The following ZNF365 variants were observed in gnomAD, a reference collection of about 807,000 sequenced individuals.
ZNF365 encodes protein ZNF365.
Under a neutral mutation model 35.0 loss-of-function variants are expected in ZNF365, and 22 were observed. The observed-to-expected ratio is 0.63, with a 90% CI of 0.45 to 0.90. The LOEUF (loss-of-function observed/expected upper bound fraction) is 0.90, where lower values mean the gene tolerates loss of function less well. Ranked by LOEUF, ZNF365 falls within the 40% of genes least tolerant of loss-of-function variation. ZNF365 has a pLI of 0.00. For synonymous variants in ZNF365, 188 were observed against 196.2 expected, an observed-to-expected ratio of 0.96 and a Z score of 0.35; for missense variants, 448 against 500.3, an observed-to-expected ratio of 0.90 and a Z score of 1.00.
intron 4 of ZNF365, among the ~76,000 whole-genome samples, chr10:62,476,100 GA>G (rs368423948): frequency 4.0e-5 from 6 of 151,728 alleles, no homozygotes; most frequent in African/African-American, 1.5e-4. Flanking sequence ...TTTTTGTGGG[GA>G]GGGGTAGGGT....
chr10:62,415,430 A>T (rs1023454663), intron 3 of ZNF365, among the ~76,000 whole-genome samples: 1 of 152,004 alleles, frequency 6.6e-6, no homozygotes, highest in African/African-American at 2.4e-5. Flanking sequence ...TGGTCCTGTT[A>T]TTACGATATT....
chr10:62,400,373 A>G lies in ZNF365; in HGVS notation c.*584A>G. ...CAAGGGACTCGTTCAGTCAGACTTC[A>G]GTTCTCATTCCGACAGGGTGTCTTT... On this transcript the variant is annotated 3_prime_UTR_variant, in exon 5 of 5. Transcript: ENST00000395254. 1 of 986,286 alleles carries G rather than the reference A, an allele frequency of 1.0e-6. No homozygotes were observed. The highest frequency in any genetic ancestry group is 1.2e-6 in the Non-Finnish European group (1 of 830,158). 61.1% of individuals were successfully genotyped at this position (986,286 alleles called of 1,614,324 possible). A position where few individuals can be genotyped will look rare whatever the true frequency, so the allele number is the denominator to read the frequency against.
chr10:62,389,606 A>G (rs1379095560), intron 3 of ZNF365, among the ~76,000 whole-genome samples: 1 of 152,228 alleles, frequency 6.6e-6, no homozygotes, highest in Non-Finnish European at 1.5e-5. Flanking sequence ...ACATGATTAA[A>G]TAAGAAAACT....
rs745572760 is a variant in ZNF365 at position 62,376,943 on chromosome 10, G to A, written c.743+7G>A. The A allele has an allele frequency of 1.3e-5, 21 of 1,591,458 alleles. No homozygotes were observed. The highest frequency in any genetic ancestry group is 3.3e-5 in the South Asian group (3 of 90,100). On this transcript the variant is annotated splice_region_variant and intron_variant, in intron 2 of 4. Coordinates refer to ENST00000395254, the MANE Select transcript of ZNF365 (RefSeq NM_014951.3). ...AGCTTCTTAGGAAAGAAGAGTAAGT[G>A]TTGCTGACAGGGGATGCTAACCCCA...
intron 3 of ZNF365, among the ~76,000 whole-genome samples, chr10:62,447,251 A>T (rs527278224): frequency 2.6e-5 from 4 of 152,330 alleles, no homozygotes; most frequent in African/African-American, 9.6e-5. Flanking sequence ...GGAGGAAAAG[A>T]TTAACCTCCC....
At position 62,451,411 on chromosome 10, in the gene ZNF365, G is replaced by A. The variant is rs989311374; in HGVS notation, c.925-8330G>A. On this transcript the variant is annotated intron_variant, in intron 3 of 4. Coordinates refer to the ZNF365 transcript ENST00000395255. ...CTTCATGGCTTGGCAGCGACAAAAA[G>A]CTTGGCTCTCACTCTTCCCTGGTGT... Among the ~76,000 whole-genome samples the A allele has an allele frequency of 3.2e-3, 493 of 152,130 alleles. 6 individuals carry two copies. The highest frequency in any genetic ancestry group is 0.011 in the African/African-American group (476 of 41,500).
chr10:62,478,888 T>C (rs1352041959), intron 4 of ZNF365, among the ~76,000 whole-genome samples: 1 of 152,252 alleles, frequency 6.6e-6, no homozygotes, highest in Non-Finnish European at 1.5e-5. Context: ...GTGTCGTTTT[T>C]TAAGTCTTAA....
At chr10:62,421,856 T>C (rs1268247586) in intron 3 of ZNF365, among the ~76,000 whole-genome samples, 3 of 152,232 alleles carry the variant, frequency 2.0e-5, no homozygotes, top group African/African-American at 7.2e-5. Context: ...TTATTACAAC[T>C]ATAGTTGTTA....
chr10:62,467,256 C>A (rs753657764), intron 4 of ZNF365, among the ~76,000 whole-genome samples: 16 of 152,184 alleles, frequency 1.1e-4, no homozygotes, highest in African/African-American at 3.9e-4. Context: ...TAGTTCACTG[C>A]ATGATTCAAT....
rs116943538 is a variant in ZNF365, at chr10:62,412,837, C to A, written c.924+24261C>A. On this transcript the variant is annotated intron_variant, in intron 3 of 4. Transcript: ENST00000395255. The stretch of plus-strand genomic sequence containing the variant: ...GAAGAATCAATATCATGAAAATGGT[C>A]ATACTACCAAAAGTAATTTATAGAT... Among the ~76,000 whole-genome samples, 3 of 152,274 alleles carry A rather than the reference C, an allele frequency of 2.0e-5. No individual in the cohort carries two copies. The East Asian group carries it at 5.8e-4, about 29-fold the overall frequency.
At chr10:62,422,780 A>G (rs1480288130) in intron 3 of ZNF365, among the ~76,000 whole-genome samples, 1 of 152,106 alleles carries the variant, frequency 6.6e-6, no homozygotes. Flanking sequence ...CAAACCTTAC[A>G]ATTGGGTGTT....
At chr10:62,434,347 G>A (rs745546838) in intron 3 of ZNF365, among the ~76,000 whole-genome samples, 1 of 152,068 alleles carries the variant, frequency 6.6e-6, no homozygotes, top group Non-Finnish European at 1.5e-5. Context: ...GATGGGTGGA[G>A]AGGTTTTGGT....
At chr10:62,468,081 T>C (rs890185801) in intron 4 of ZNF365, among the ~76,000 whole-genome samples, 5 of 152,328 alleles carry the variant, frequency 3.3e-5, no homozygotes, top group Admixed American at 3.3e-4. Context: ...TCAGGTAATG[T>C]ACCTTTATGA....
In ZNF365 at chr10:62,415,649, T is replaced by C. The variant is rs551786546; in HGVS notation, c.924+27073T>C. Among the ~76,000 whole-genome samples the C allele has an allele frequency of 4.6e-5, 7 of 152,314 alleles. No individual in the cohort carries two copies. The South Asian group carries it at 8.3e-4, about 18-fold the overall frequency. Reference sequence around the variant, plus strand: ...GAAAAGCATGCTACTTTGTGTTTCATATGTTTTCTGTTTAACTTTTCAATC... The same window carrying C: ...GAAAAGCATGCTACTTTGTGTTTCACATGTTTTCTGTTTAACTTTTCAATC... On this transcript the variant is annotated intron_variant, in intron 3 of 4. Coordinates refer to the ZNF365 transcript ENST00000395255.
chr10:62,471,704 A>G lies in ZNF365; in HGVS notation c.982-8172A>G, dbSNP rs545454394. Among the ~76,000 whole-genome samples, 500 of 152,316 alleles carry G rather than the reference A, an allele frequency of 3.3e-3. 1 individual carries two copies. The highest frequency in any genetic ancestry group is 5.7e-3 in the Non-Finnish European group (387 of 68,014). On this transcript the variant is annotated intron_variant, in intron 4 of 4. Coordinates refer to the ZNF365 transcript ENST00000395255. The stretch of plus-strand genomic sequence containing the variant: ...GATGTACAAAAAAATCTGCATGATT[A>G]TTCTCTAATTTCCTGCATTTTTTTA...
chr10:62,468,293 T>C (rs1375474765), intron 4 of ZNF365, among the ~76,000 whole-genome samples: 2 of 152,228 alleles, frequency 1.3e-5, no homozygotes, highest in Non-Finnish European at 2.9e-5. Flanking sequence ...GTGTGAGAAC[T>C]TATATATGTA....
At chr10:62,376,063 A>G in intron 1 of ZNF365, 118 bp from the exon 2 acceptor site, 3 of 1,096,666 alleles carry the variant, frequency 2.7e-6, no homozygotes, top group Non-Finnish European at 3.9e-6. Context: ...AACATAAAAT[A>G]TTATGTGCAA....
intron 3 of ZNF365, among the ~76,000 whole-genome samples, chr10:62,422,634 C>T (rs1057108256): frequency 4.6e-5 from 7 of 152,052 alleles, no homozygotes; most frequent in African/African-American, 1.7e-4. Context: ...GGCTTTAGAG[C>T]GCGGCCATGC....
At chr10:62,440,262 G>A (rs1203148581) in intron 3 of ZNF365, among the ~76,000 whole-genome samples, 1 of 150,760 alleles carries the variant, frequency 6.6e-6, no homozygotes, top group Non-Finnish European at 1.5e-5. Flanking sequence ...TTAGGTTCGG[G>A]GGTACATGTG....
Sources: allele counts gnomAD v4.1 joint callset (sites outside exome capture counted in the v4.1 genomes callset), GRCh38; gene constraint gnomAD v4.1.1; transcripts MANE v1.5; gene names NCBI Gene and HGNC (gene_info 2026-07-23, HGNC 2026-07-21).